The following GPR55 variants were observed in gnomAD, a reference collection of about 807,000 sequenced individuals.
The protein encoded by GPR55 is G-protein coupled receptor 55.
A neutral mutation model predicts 7.9 loss-of-function variants in GPR55; 6 were observed. The observed-to-expected ratio is 0.76, with a 90% CI of 0.41 to 1.49. The LOEUF (loss-of-function observed/expected upper bound fraction) is 1.49, where lower values mean the gene tolerates loss of function less well. Among genes scored for constraint, GPR55 ranks in the 40% most tolerant of loss-of-function variants. GPR55 has a pLI of 0.01. For synonymous variants in GPR55, 183 were observed against 166.8 expected, an observed-to-expected ratio of 1.10 and a Z score of -0.75; for missense variants, 376 against 406.0, an observed-to-expected ratio of 0.93 and a Z score of 0.63.
Position 230,918,658 on chromosome 2 carries a change from T to C in GPR55, c.-135+6510A>G, listed in dbSNP as rs148176285. ...ATGAATATATATGCAAACATCCTAA[T>C]TAAAATATTACCAGGTGGAATTCAG... On this transcript the variant is annotated intron_variant, in intron 1 of 1. Transcript: ENST00000650999. 4.2e-3 allele frequency among the ~76,000 whole-genome samples: 635 copies of C among 152,246 alleles called. 7 individuals carry two copies. Among genetic ancestry groups the C allele is most frequent in the African/African-American group, 0.014 (589 of 41,544 alleles).
chr2:230,928,942 A>G (rs1003590809), upstream of GPR55, among the ~76,000 whole-genome samples: 1 of 152,112 alleles, frequency 6.6e-6, no homozygotes, highest in African/African-American at 2.4e-5. Flanking sequence ...GCCCCATCCT[A>G]TGGCTCCCCA....
Position 230,908,771 on chromosome 2 carries a change from T to A in GPR55, c.*1232A>T, listed in dbSNP as rs796520846. ...CATTTCACTCTCCGGAGCAGCTGAGTCATTGGGAGGCTTCCGCTGTCACTT... is the reference window on the plus strand; with the variant it reads ...CATTTCACTCTCCGGAGCAGCTGAGACATTGGGAGGCTTCCGCTGTCACTT... On this transcript the variant is annotated 3_prime_UTR_variant, in exon 2 of 2. Coordinates refer to ENST00000650999, the MANE Select transcript of GPR55 (RefSeq NM_005683.4). 8 of 152,444 alleles carry A rather than the reference T, an allele frequency of 5.2e-5. No individual in the cohort carries two copies. The highest frequency in any genetic ancestry group is 2.0e-4 in the Admixed American group (3 of 15,288). The allele number at this position is 152,444 out of a possible 1,614,324, so 9.4% of individuals were successfully genotyped here. A position where few individuals can be genotyped will look rare whatever the true frequency, so the allele number is the denominator to read the frequency against.
chr2:230,919,834 C>A (rs1045662486), intron 1 of GPR55, among the ~76,000 whole-genome samples: 4 of 151,832 alleles, frequency 2.6e-5, no homozygotes, highest in African/African-American at 9.7e-5. Flanking sequence ...AGGTTAAGTT[C>A]ACTACGGTAA....
intron 1 of GPR55, among the ~76,000 whole-genome samples, chr2:230,943,904 A>C (rs1324347349): frequency 6.6e-6 from 1 of 152,220 alleles, no homozygotes; most frequent in Non-Finnish European, 1.5e-5. Flanking sequence ...ACTTCATATA[A>C]AGTCTACAGA....
intron 1 of GPR55, among the ~76,000 whole-genome samples, chr2:230,945,567 C>T (rs1052228354): frequency 6.6e-6 from 1 of 152,132 alleles, no homozygotes; most frequent in South Asian, 2.1e-4. Flanking sequence ...TACAGATTCA[C>T]TTTTTGTTGT....
At position 230,923,507 on chromosome 2, in the gene GPR55, TG is replaced by T. The variant is rs1463026105; in HGVS notation, c.-135+1660del. ...TCCGCCTGTGCCTGAGCTGGGCTTC[TG>T]GGGGCCACGATAGAAGAAGGAACAG... On this transcript the variant is annotated intron_variant, in intron 1 of 1. Transcript: ENST00000650999. The surrounding 1 kb of genome is among the most constrained non-coding windows in gnomAD (Gnocchi z 4.1). Among the ~76,000 whole-genome samples, 1 of 151,842 alleles carries T rather than the reference TG, an allele frequency of 6.6e-6. No homozygotes were observed. The highest frequency in any genetic ancestry group is 2.4e-5 in the African/African-American group (1 of 41,280).
At chr2:230,954,200 G>T (rs143331403) in intron 1 of GPR55, among the ~76,000 whole-genome samples, 36 of 152,338 alleles carry the variant, frequency 2.4e-4, no homozygotes, top group Middle Eastern at 3.4e-3. Context: ...GGTGGACCAC[G>T]TGCATCCTTG....
chr2:230,910,926 CAA>C lies in GPR55; in HGVS notation c.35_36del (p.Phe12Ter). 6.2e-7 allele frequency: 1 copy of C among 1,609,130 alleles called. No homozygotes were observed. Among genetic ancestry groups the C allele is most frequent in the Non-Finnish European group, 8.5e-7 (1 of 1,175,916 alleles). On this transcript the variant is annotated frameshift_variant, in exon 2 of 2. Coordinates refer to ENST00000650999, the MANE Select transcript of GPR55 (RefSeq NM_005683.4). LOFTEE classifies it high-confidence loss of function. This position sits in a 1 kb window ranked among gnomAD's most constrained non-coding sequence, Gnocchi z 5.4. ...SQQNTSGDCL[F>X]DGVNELMKTL... ...GTTTTCATCAGCTCGTTGACACCGT[CAA>C]ACAGGCAGTCCCCACTGGTGTTTTG...
At position 230,947,421 on chromosome 2, in the gene GPR55, G is replaced by T. The variant is rs550656823; in HGVS notation, c.-135+13354C>A. On this transcript the variant is annotated intron_variant, in intron 1 of 1. Coordinates refer to the GPR55 transcript ENST00000392039. ...GTTGCAAGGTATAATTGGGACCCTG[G>T]TTACATTTTTAGCTCAGGGGAATAA... 7.2e-5 allele frequency among the ~76,000 whole-genome samples: 11 copies of T among 151,878 alleles called. No individual in the cohort carries two copies. The East Asian group carries it at 2.1e-3, about 29-fold the overall frequency.
chr2:230,909,938 A>C lies in GPR55; in HGVS notation c.*65T>G. Reference sequence around the variant, plus strand: ...TCATCCCACCACATCAAAACCCTGGAACGCGATATCCGTTACCAGAATTCA... The same window carrying C: ...TCATCCCACCACATCAAAACCCTGGCACGCGATATCCGTTACCAGAATTCA... On this transcript the variant is annotated 3_prime_UTR_variant, in exon 2 of 2. Transcript: ENST00000650999. The C allele has an allele frequency of 6.8e-7, 1 of 1,478,916 alleles. No individual in the cohort carries two copies. The highest frequency in any genetic ancestry group is 9.2e-7 in the Non-Finnish European group (1 of 1,083,694). 91.6% of individuals were successfully genotyped at this position (1,478,916 alleles called of 1,614,324 possible).
At chr2:230,927,875 A>G (rs1690969648), upstream of GPR55, among the ~76,000 whole-genome samples, 1 of 152,146 alleles carries the variant, frequency 6.6e-6, no homozygotes, top group South Asian at 2.1e-4. Flanking sequence ...TTTCCCTCCA[A>G]GGGGGGAAAC....
In GPR55 at chr2:230,946,002, A is replaced by G. The variant is rs116097322; in HGVS notation, c.-135+14773T>C. ...CCATCAGTGGATGAATGGATTAAAA[A>G]CATATACACAATGAAATATTATTTA... On this transcript the variant is annotated intron_variant, in intron 1 of 1. Transcript: ENST00000392039. Among the ~76,000 whole-genome samples, 904 of 152,340 alleles carry G rather than the reference A, an allele frequency of 5.9e-3. 8 individuals carry two copies. Among genetic ancestry groups the G allele is most frequent in the African/African-American group, 0.021 (866 of 41,580 alleles).
intron 1 of GPR55, among the ~76,000 whole-genome samples, chr2:230,953,223 G>A (rs767406338): frequency 1.3e-5 from 2 of 152,202 alleles, no homozygotes; most frequent in Non-Finnish European, 2.9e-5. Flanking sequence ...CCCTGTCCCA[G>A]TATGTCTAGG....
chr2:230,926,682 C>CTTTTTTTTT (rs56318183), upstream of GPR55, among the ~76,000 whole-genome samples: 3 of 100,942 alleles, frequency 3.0e-5, no homozygotes, highest in Admixed American at 1.0e-4. Flanking sequence ...TGGCTACCTT[C>CTTTTTTTTT]TTTTTTTTTT....
Position 230,938,236 on chromosome 2 carries a change from C to T in GPR55, c.-135+22539G>A, listed in dbSNP as rs569173837. ...TGTAAAACATCACATAAAAAGAAGC[C>T]GGCCAGGCAAGGGCCCCCTTAACTG... On this transcript the variant is annotated intron_variant, in intron 1 of 1. Coordinates refer to the GPR55 transcript ENST00000392039. Among the ~76,000 whole-genome samples, 100 of 150,576 alleles carry T rather than the reference C, an allele frequency of 6.6e-4. 1 individual carries two copies. Among genetic ancestry groups the T allele is most frequent in the African/African-American group, 2.1e-3 (85 of 40,994 alleles).
intron 1 of GPR55, among the ~76,000 whole-genome samples, chr2:230,947,626 C>A (rs1574634987): frequency 6.6e-6 from 1 of 151,760 alleles, no homozygotes; most frequent in Admixed American, 6.6e-5. Context: ...GCCTCAGCCT[C>A]CCACGTAGCT....
intron 1 of GPR55, among the ~76,000 whole-genome samples, chr2:230,945,461 G>A (rs910728306): frequency 2.0e-5 from 3 of 152,166 alleles, no homozygotes; most frequent in Non-Finnish European, 2.9e-5. Context: ...TGCAACCCGC[G>A]CCCTTATTTG....
chr2:230,934,495 A>G (rs1691102250), intron 1 of GPR55, among the ~76,000 whole-genome samples: 1 of 152,150 alleles, frequency 6.6e-6, no homozygotes, highest in Admixed American at 6.5e-5. Context: ...GTCCCAGGGG[A>G]AGGAGGACAC....
At position 230,948,903 on chromosome 2, in the gene GPR55, C is replaced by T. The variant is rs1691356594; in HGVS notation, c.-135+11872G>A. 1.3e-5 allele frequency among the ~76,000 whole-genome samples: 2 copies of T among 152,050 alleles called. 1 individual carries two copies. Among genetic ancestry groups the T allele is most frequent in the African/African-American group, 4.8e-5 (2 of 41,396 alleles). Reference sequence around the variant, plus strand: ...GACTAGCCTGGGAAACATTGGGAGACCCTATCTTTACAAAAAATAGTCCGG... The same window carrying T: ...GACTAGCCTGGGAAACATTGGGAGATCCTATCTTTACAAAAAATAGTCCGG... On this transcript the variant is annotated intron_variant, in intron 1 of 1. Transcript: ENST00000392039.
Sources: gnomAD v4.1 joint callset for allele counts (sites outside exome capture counted in the v4.1 genomes callset) on GRCh38, gnomAD v4.1.1 for gene constraint, Gnocchi (gnomAD v3.1) non-coding constraint, MANE v1.5 for transcripts, NCBI Gene and HGNC (gene_info 2026-07-23, HGNC 2026-07-21) for gene names.